BLTP1: variants seen among roughly 807,000 people sequenced by gnomAD.
BLTP1 encodes fragile site-associated protein.
chr4:122,254,264 A>G, the BLTP1 span: 2 of 1,612,564 alleles, frequency 1.2e-6, no homozygotes, highest in Non-Finnish European at 1.7e-6. Context: ...AGATTCATGT[A>G]GCATGAAGTT....
the BLTP1 span, among the ~76,000 whole-genome samples, chr4:122,332,337 G>T: frequency 6.6e-6 from 1 of 151,924 alleles, no homozygotes; most frequent in Admixed American, 6.6e-5. Context: ...TAAAAAGGAT[G>T]ACTATTAGTT....
the BLTP1 span, chr4:122,190,151 C>A: frequency 6.3e-7 from 1 of 1,582,130 alleles, no homozygotes; most frequent in South Asian, 1.1e-5. Flanking sequence ...GGCTGGAATG[C>A]AGTGGCGTAA....
chr4:122,227,916 A>ATTTT, the BLTP1 span, among the ~76,000 whole-genome samples: 1 of 136,478 alleles, frequency 7.3e-6, no homozygotes, highest in Non-Finnish European at 1.6e-5. Flanking sequence ...TTGCATTAAA[A>ATTTT]TTTTTTTTTT....
the BLTP1 span, among the ~76,000 whole-genome samples, chr4:122,253,944 T>C: frequency 6.6e-6 from 1 of 152,182 alleles, no homozygotes; most frequent in Non-Finnish European, 1.5e-5. Flanking sequence ...CTGATAAAAC[T>C]GGCAGCAGAC....
the BLTP1 span, chr4:122,188,177 T>C: frequency 8.0e-7 from 1 of 1,252,340 alleles, no homozygotes. Context: ...CTTTTTTTGC[T>C]ACAAGTTGTA....
the BLTP1 span, chr4:122,307,757 T>C: frequency 9.4e-5 from 93 of 985,304 alleles, 1 homozygote; most frequent in East Asian, 1.0e-2. Flanking sequence ...GCTTTCTGTT[T>C]TATTTTTTCA....
At chr4:122,229,856 A>G in the BLTP1 span, 4 of 1,487,510 alleles carry the variant, frequency 2.7e-6, no homozygotes, top group Non-Finnish European at 3.6e-6. Flanking sequence ...ATGATCACCT[A>G]TTCAGTAGTT....
the BLTP1 span, among the ~76,000 whole-genome samples, chr4:122,201,337 T>C: frequency 6.6e-6 from 1 of 152,292 alleles, no homozygotes; most frequent in East Asian, 1.9e-4. Flanking sequence ...AAACCCCAAA[T>C]TGAGCTTAGA....
chr4:122,291,079 A>G, the BLTP1 span, among the ~76,000 whole-genome samples: 1 of 152,106 alleles, frequency 6.6e-6, no homozygotes, highest in South Asian at 2.1e-4. Flanking sequence ...AGATGAAAGT[A>G]TATCCCAAGG....
the BLTP1 span, among the ~76,000 whole-genome samples, chr4:122,327,527 C>T: frequency 1.3e-5 from 2 of 149,854 alleles, no homozygotes; most frequent in African/African-American, 5.0e-5. Context: ...TAAAATACAG[C>T]ATTCTTCAGT....
chr4:122,273,661 C>A, the BLTP1 span, among the ~76,000 whole-genome samples: 1 of 151,930 alleles, frequency 6.6e-6, no homozygotes, highest in African/African-American at 2.4e-5. Flanking sequence ...GTCTTTAGAG[C>A]ACATTTATCT....
At chr4:122,237,658 G>C in the BLTP1 span, 16 of 759,118 alleles carry the variant, frequency 2.1e-5, no homozygotes, top group African/African-American at 2.5e-4. Context: ...CTATACTTAT[G>C]TAGATATATT....
At chr4:122,209,066 C>A in the BLTP1 span, 2 of 1,228,160 alleles carry the variant, frequency 1.6e-6, no homozygotes, top group Non-Finnish European at 1.0e-6. Flanking sequence ...AAACTTATTT[C>A]CAAGATTGTT....
chr4:122,229,342 A>T, the BLTP1 span: 1 of 891,594 alleles, frequency 1.1e-6, no homozygotes, highest in Non-Finnish European at 1.6e-6. Flanking sequence ...CATCTCACAG[A>T]CAGCCACAAA....
chr4:122,307,366 C>T, the BLTP1 span: 4 of 613,766 alleles, frequency 6.5e-6, no homozygotes, highest in Middle Eastern at 8.1e-4. Flanking sequence ...TTTTGGATTT[C>T]GGATTAGGGA....
the BLTP1 span, chr4:122,226,683 C>G: frequency 6.2e-7 from 1 of 1,611,936 alleles, no homozygotes; most frequent in Non-Finnish European, 8.5e-7. Flanking sequence ...ACAGTGTTGT[C>G]AACTTGTCAC....
chr4:122,174,518 C>T, the BLTP1 span: 1 of 1,590,852 alleles, frequency 6.3e-7, no homozygotes, highest in South Asian at 1.1e-5. Context: ...ACTTTAAGGG[C>T]CCTACTGTCT....
At chr4:122,235,599 A>T in the BLTP1 span, 1 of 298,366 alleles carries the variant, frequency 3.4e-6, no homozygotes, top group East Asian at 1.7e-4. Context: ...AGGTCAGGAG[A>T]TCAAGACCAT....
chr4:122,243,574 C>G, the BLTP1 span: 1 of 400,028 alleles, frequency 2.5e-6, no homozygotes, highest in African/African-American at 2.2e-5. Flanking sequence ...AACCCCATCT[C>G]TACTTTTTAG....
Sources: allele counts gnomAD v4.1 joint callset (sites outside exome capture counted in the v4.1 genomes callset), GRCh38; gene constraint gnomAD v4.1.1; transcripts MANE v1.5; gene names NCBI Gene and HGNC (gene_info 2026-07-23, HGNC 2026-07-21).